The following NFATC3 variants were observed in gnomAD, a reference collection of about 807,000 sequenced individuals.
The protein encoded by NFATC3 is nuclear factor of activated T cells 3.
Under a neutral mutation model 98.6 loss-of-function variants are expected in NFATC3, and 46 were observed. That is an observed-to-expected ratio of 0.47 (90% CI 0.37 to 0.60). The LOEUF is 0.60. Among genes scored for constraint, NFATC3 ranks in the 20% least tolerant of loss-of-function variants. The probability of loss-of-function intolerance (pLI) is 0.00; values close to 1 mark genes in which losing one functional copy is unlikely to be tolerated. For synonymous variants in NFATC3, 512 were observed against 472.2 expected, an observed-to-expected ratio of 1.08 and a Z score of -1.09; for missense variants, 1,256 against 1,295.5, an observed-to-expected ratio of 0.97 and a Z score of 0.47.
intron 1 of NFATC3, among the ~76,000 whole-genome samples, chr16:68,107,287 A>T (rs987842797): frequency 6.6e-6 from 1 of 152,174 alleles, no homozygotes; most frequent in Non-Finnish European, 1.5e-5. Context: ...AGGTAAAATG[A>T]TATTTTTGGT....
At position 68,191,394 on chromosome 16, in the gene NFATC3, C is replaced by G. The variant is rs1322786070; in HGVS notation, c.2725C>G (p.Gln909Glu). ...CCAGATTACAGGTCAGCCTTCGTCT[C>G]AGTTACAACCTATTACATATGGTCC... ...ADQITGQPSS[Q>E]LQPITYGPSH... Residue 909 changes from glutamine to glutamate, a missense_variant, in exon 9 of 10, where the codon CAG (glutamine) becomes GAG (glutamate). Physicochemically the swap from Gln to Glu is conservative, Grantham distance 29 (BLOSUM62 2). This residue lies in a region of NFATC3 where 636 missense variants were observed against 617.3 expected (regional missense o/e 1.03). Coordinates refer to ENST00000346183, the MANE Select transcript of NFATC3 (RefSeq NM_173165.3). 2 of 1,614,166 alleles carry G rather than the reference C, an allele frequency of 1.2e-6. No individual in the cohort carries two copies. The highest frequency in any genetic ancestry group is 1.7e-6 in the Non-Finnish European group (2 of 1,180,032).
rs2042057958 is a variant in NFATC3, at chr16:68,227,277, G to T, written c.*806G>T. On this transcript the variant is annotated 3_prime_UTR_variant, in exon 10 of 10. Transcript: ENST00000346183. Reference sequence around the variant, plus strand: ...ACTCTGAATGGTGGGGTTCTAGCTTGGTCACTTTCATTTCTTGCCATCATA... The same window carrying T: ...ACTCTGAATGGTGGGGTTCTAGCTTTGTCACTTTCATTTCTTGCCATCATA... The T allele has an allele frequency of 2.0e-5, 3 of 152,148 alleles. No individual in the cohort carries two copies. The South Asian group carries it at 6.2e-4, about 32-fold the overall frequency. The allele number at this position is 152,148 out of a possible 1,614,324, so 9.4% of individuals were successfully genotyped here. A position where few individuals can be genotyped will look rare whatever the true frequency, so the allele number is the denominator to read the frequency against.
In NFATC3 at chr16:68,201,419, T is replaced by A. The variant is rs539253194; in HGVS notation, c.3106+9644T>A. Among the ~76,000 whole-genome samples, 127 of 151,436 alleles carry A rather than the reference T, an allele frequency of 8.4e-4. 3 individuals carry two copies. The South Asian group carries it at 0.024, about 29-fold the overall frequency. Reference sequence around the variant, plus strand: ...GCTGATTTTTGGGGGGTTTTTTGTTTGTTTTTGTTTTTTTTATTGTTTTTT... The same window carrying A: ...GCTGATTTTTGGGGGGTTTTTTGTTAGTTTTTGTTTTTTTTATTGTTTTTT... On this transcript the variant is annotated intron_variant, in intron 9 of 9. Transcript: ENST00000346183.
At chr16:68,159,843 C>T (rs994408894) in intron 4 of NFATC3, among the ~76,000 whole-genome samples, 1 of 151,398 alleles carries the variant, frequency 6.6e-6, no homozygotes, top group Non-Finnish European at 1.5e-5. Flanking sequence ...TTTGGGAGGC[C>T]GAGGTGGGCG....
intron 9 of NFATC3, among the ~76,000 whole-genome samples, chr16:68,201,405 G>T (rs1371548378): frequency 6.6e-6 from 1 of 151,428 alleles, no homozygotes; most frequent in African/African-American, 2.4e-5. Flanking sequence ...CTGATTTTTG[G>T]GGGGTTTTTT....
At chr16:68,183,401 T>C in intron 8 of NFATC3, 35 bp downstream of exon 8, 1 of 1,601,024 alleles carries the variant, frequency 6.2e-7, no homozygotes, top group Non-Finnish European at 8.5e-7. Context: ...TATAGAGCTT[T>C]CTTTCCTAAT....
chr16:68,191,002 A>G lies in NFATC3; in HGVS notation c.2333A>G (p.Gln778Arg), dbSNP rs774745861. 3.1e-6 allele frequency: 5 copies of G among 1,614,120 alleles called. No individual in the cohort carries two copies. In the African/African-American group the frequency reaches 6.7e-5, roughly 22 times the overall value. ...QCRDESVSKE[Q>R]HMIPSPIVHQ... is the part of the protein sequence containing the mutation. The stretch of plus-strand genomic sequence containing the variant: ...AGAGATGAGAGTGTTAGTAAAGAAC[A>G]GCATATGATTCCTTCTCCAATTGTA... The change falls in exon 9 of 10, where the codon CAG becomes CGG. Residue 778 changes from glutamine to arginine, a missense_variant. Gln to Arg is a conservative substitution (Grantham distance 43). Around this residue, in one of 3 missense-constraint regions of NFATC3, gnomAD observed 636 missense variants for 617.3 expected, o/e 1.03. Transcript: ENST00000346183.
At chr16:68,121,356 T>C (rs1673088510) in intron 1 of NFATC3, among the ~76,000 whole-genome samples, 1 of 150,620 alleles carries the variant, frequency 6.6e-6, no homozygotes, top group African/African-American at 2.4e-5. Flanking sequence ...TTTTTAGAAT[T>C]ATGGATGTGT....
chr16:68,183,834 T>A (rs1307759681), intron 8 of NFATC3, among the ~76,000 whole-genome samples: 2 of 151,646 alleles, frequency 1.3e-5, no homozygotes, highest in Admixed American at 1.3e-4. Context: ...ATGGAAAAAC[T>A]TCATCTTTAC....
rs114090737 is a variant in NFATC3 at position 68,183,153 on chromosome 16, A to G, written c.1972-87A>G. On this transcript the variant is annotated intron_variant, in intron 7 of 9. Transcript: ENST00000346183. ...ATAATTATCTATGCTGGAGCCTTGTAGTTAAGACTCATGAGTTGTGATGTG... is the reference window on the plus strand; with the variant it reads ...ATAATTATCTATGCTGGAGCCTTGTGGTTAAGACTCATGAGTTGTGATGTG... The G allele has an allele frequency of 6.0e-4, 802 of 1,347,634 alleles. 3 individuals are homozygous for G. In the African/African-American group the frequency reaches 0.011, roughly 18 times the overall value. 83.5% of individuals were successfully genotyped at this position (1,347,634 alleles called of 1,614,324 possible).
chr16:68,157,372 A>T (rs1288917786), intron 3 of NFATC3, among the ~76,000 whole-genome samples: 3 of 152,156 alleles, frequency 2.0e-5, no homozygotes, highest in African/African-American at 7.2e-5. Context: ...TTTTAGCCTT[A>T]GCTAGGCTGC....
chr16:68,170,190 A>G (rs1389084944), intron 5 of NFATC3, among the ~76,000 whole-genome samples: 1 of 152,098 alleles, frequency 6.6e-6, no homozygotes, highest in Non-Finnish European at 1.5e-5. Flanking sequence ...CAAGAGATCG[A>G]CACCATCCTG....
intron 9 of NFATC3, among the ~76,000 whole-genome samples, chr16:68,211,126 T>C (rs1359556423): frequency 6.6e-6 from 1 of 152,122 alleles, no homozygotes; most frequent in Admixed American, 6.6e-5. Flanking sequence ...GGCCTCATAA[T>C]GAGTTAGGAA....
chr16:68,172,756 G>A (rs978266539), intron 5 of NFATC3, among the ~76,000 whole-genome samples: 2 of 152,088 alleles, frequency 1.3e-5, no homozygotes, highest in African/African-American at 4.8e-5. Context: ...CTTCATCCTT[G>A]GTGACAGTGC....
chr16:68,146,387 T>C (rs779201470), intron 3 of NFATC3, among the ~76,000 whole-genome samples: 26 of 151,294 alleles, frequency 1.7e-4, no homozygotes, highest in Non-Finnish European at 3.1e-4. Flanking sequence ...CTGGGCAACA[T>C]AGCAAGACCT....
At chr16:68,100,392 G>A (rs915553617) in intron 1 of NFATC3, among the ~76,000 whole-genome samples, 1 of 152,050 alleles carries the variant, frequency 6.6e-6, no homozygotes, top group Non-Finnish European at 1.5e-5. Context: ...GGGCAACATG[G>A]TGAAACCCCA....
At chr16:68,108,869 CTT>C (rs1277384861) in intron 1 of NFATC3, among the ~76,000 whole-genome samples, 1 of 152,134 alleles carries the variant, frequency 6.6e-6, no homozygotes, top group Admixed American at 6.6e-5. Flanking sequence ...TGATTTGGCT[CTT>C]TGCTTGTCTC....
chr16:68,209,579 G>A, intron 9 of NFATC3: 2 of 333,412 alleles, frequency 6.0e-6, no homozygotes, highest in Non-Finnish European at 1.2e-5. Flanking sequence ...CAAAGCTGCT[G>A]AAGGGTCAGG....
intron 1 of NFATC3, among the ~76,000 whole-genome samples, chr16:68,115,106 G>A (rs1222622766): frequency 6.7e-6 from 1 of 148,904 alleles, no homozygotes; most frequent in Non-Finnish European, 1.5e-5. Flanking sequence ...CTCTGTCACC[G>A]AGGCTGGAAT....
Sources: gnomAD v4.1 joint callset for allele counts (sites outside exome capture counted in the v4.1 genomes callset) on GRCh38, gnomAD v4.1.1 for gene constraint, gnomAD v4.1.1 regional missense constraint, MANE v1.5 for transcripts, NCBI Gene and HGNC (gene_info 2026-07-23, HGNC 2026-07-21) for gene names.